MUC17: variants seen among roughly 807,000 people sequenced by gnomAD.
The protein encoded by MUC17 is mucin-17.
Under a neutral mutation model 170.3 loss-of-function variants are expected in MUC17, and 190 were observed. That is an observed-to-expected ratio of 1.12 (90% CI 0.99 to 1.26). MUC17 has a LOEUF of 1.26. MUC17 is among the 50% of genes most tolerant of loss of function. MUC17 has a pLI of 0.00. For synonymous variants in MUC17, 2,325 were observed against 2,002.5 expected, an observed-to-expected ratio of 1.16 and a Z score of -4.30; for missense variants, 6,415 against 5,530.0, an observed-to-expected ratio of 1.16 and a Z score of -5.08.
Position 101,035,007 on chromosome 7 carries a change from C to A in MUC17, c.3591C>A (p.Ala1197=), listed in dbSNP as rs1794418726. 3.1e-6 allele frequency: 5 copies of A among 1,614,106 alleles called. No homozygotes were observed. In the East Asian group the frequency reaches 1.1e-4, roughly 36 times the overall value. ...SKTQVATSTE[A]SSPPPTAEVT... ...CTCAGGTGGCCACTTCTACTGAAGC[C>A]AGTTCACCTCCTCCAACTGCTGAAG... The change falls in exon 3 of 13, where the codon GCC becomes GCA. Residue 1197 remains alanine (A), a synonymous_variant. Transcript: ENST00000306151.
In MUC17 at chr7:101,035,157, C is replaced by T. The variant is rs369264903; in HGVS notation, c.3741C>T (p.Ser1247=). 3 of 1,610,888 alleles carry T rather than the reference C, an allele frequency of 1.9e-6. No individual in the cohort carries two copies. The highest frequency in any genetic ancestry group is 1.7e-6 in the Non-Finnish European group (2 of 1,178,602). Residue 1247 remains serine (S), a synonymous_variant, in exon 3 of 13, where the codon AGC becomes AGT. Coordinates refer to ENST00000306151, the MANE Select transcript of MUC17 (RefSeq NM_001040105.2). ...STLSTSPVDT[S]TPVTTSAETS... ...TTTCAACATCTCCCGTTGACACCAGCACACCTGTGACCACTTCTGCTGAAA... is the reference window on the plus strand; with the variant it reads ...TTTCAACATCTCCCGTTGACACCAGTACACCTGTGACCACTTCTGCTGAAA...
chr7:101,025,202 C>CA (rs139614696), intron 1 of MUC17, among the ~76,000 whole-genome samples: 2,521 of 149,950 alleles, frequency 0.017, 78 homozygotes, highest in African/African-American at 0.058. Context: ...TTCATCTCTA[C>CA]AAAAAAATGT....
Position 101,041,065 on chromosome 7 carries a change from C to T in MUC17, c.9649C>T (p.Pro3217Ser), listed in dbSNP as rs753593559. The change falls in exon 3 of 13, where the codon CCT becomes TCT. Residue 3217 changes from proline (P) to serine (S), a missense_variant. Physicochemically the swap from Pro to Ser is moderately conservative, Grantham distance 74 (BLOSUM62 -1). Transcript: ENST00000306151. ...AGGTACCAGCATTCCAACCTCAACT[C>T]CTAGTGAAGGAATGACTCCATTAAC... ...AEGTSIPTST[P>S]SEGMTPLTSV... The T allele has an allele frequency of 1.1e-5, 17 of 1,613,796 alleles. No homozygotes were observed. Among genetic ancestry groups the T allele is most frequent in the Non-Finnish European group, 1.7e-6 (2 of 1,179,952 alleles).
In MUC17 at chr7:101,038,714, A is replaced by C. The variant is rs928053950; in HGVS notation, c.7298A>C (p.Glu2433Ala). The change falls in exon 3 of 13, where the codon GAA (glutamate) becomes GCA (alanine). Residue 2433 changes from glutamate to alanine, a missense_variant. By Grantham distance (107) the Glu-to-Ala change is moderately radical. Coordinates refer to ENST00000306151, the MANE Select transcript of MUC17 (RefSeq NM_001040105.2). The stretch of plus-strand genomic sequence containing the variant: ...AGCACACCTGTCACCACTTCTACTG[A>C]AGCCAGTTCATCTCCTACAACTGCT... ...DTSTPVTTSTEASSSPTTAEG... is the reference protein window; with the variant it reads ...DTSTPVTTSTAASSSPTTAEG... 3.2e-5 allele frequency: 52 copies of C among 1,613,598 alleles called. No individual in the cohort carries two copies. Among genetic ancestry groups the C allele is most frequent in the Non-Finnish European group, 4.4e-5 (52 of 1,179,912 alleles).
Position 101,049,389 on chromosome 7 carries a change from G to A in MUC17, c.12722+7G>A. 6.2e-7 allele frequency: 1 copy of A among 1,610,850 alleles called. No homozygotes were observed. Among genetic ancestry groups the A allele is most frequent in the Non-Finnish European group, 8.5e-7 (1 of 1,178,408 alleles). On this transcript the variant is annotated splice_region_variant and intron_variant, in intron 6 of 12. Coordinates refer to ENST00000306151, the MANE Select transcript of MUC17 (RefSeq NM_001040105.2). ...TGAACATCACAAAGCTACGGTAAGT[G>A]TCTGGGCCCTTGGGAAGAGGGTCTG...
Position 101,036,567 on chromosome 7 carries a change from C to T in MUC17, c.5151C>T (p.Asn1717=), listed in dbSNP as rs1481639056. ...ISTLSTTPVD[N]STPVTTSTEA... The stretch of plus-strand genomic sequence containing the variant: ...CCCTTTCAACAACTCCCGTTGACAA[C>T]AGCACACCTGTGACCACTTCTACTG... Residue 1717 remains asparagine, a synonymous_variant, in exon 3 of 13, where the codon AAC becomes AAT. Coordinates refer to ENST00000306151, the MANE Select transcript of MUC17 (RefSeq NM_001040105.2). 3.1e-6 allele frequency: 5 copies of T among 1,613,448 alleles called. No individual in the cohort carries two copies. The South Asian group carries it at 3.3e-5, about 11-fold the overall frequency.
At chr7:101,030,945 C>T (rs1033870946) in intron 1 of MUC17, among the ~76,000 whole-genome samples, 175 bp from the exon 2 acceptor site, 1 of 152,168 alleles carries the variant, frequency 6.6e-6, no homozygotes, top group African/African-American at 2.4e-5. Flanking sequence ...TCCCCTGTAC[C>T]ATCTTCTTGC....
In MUC17 at chr7:101,033,682, A is replaced by G. The variant is rs763253648; in HGVS notation, c.2266A>G (p.Lys756Glu). 7 of 1,613,640 alleles carry G rather than the reference A, an allele frequency of 4.3e-6. 1 individual carries two copies. The highest frequency in any genetic ancestry group is 3.3e-5 in the Admixed American group (2 of 60,012). ...STPLTSMPVS[K>E]TLLTSSEAST... ...TCCATTAACAAGTATGCCTGTCAGCAAAACGCTGTTGACCAGTTCTGAGGC... is the reference window on the plus strand; with the variant it reads ...TCCATTAACAAGTATGCCTGTCAGCGAAACGCTGTTGACCAGTTCTGAGGC... The change falls in exon 3 of 13, where the codon AAA becomes GAA. Residue 756 changes from lysine to glutamate, a missense_variant. Coordinates refer to ENST00000306151, the MANE Select transcript of MUC17 (RefSeq NM_001040105.2).
chr7:101,037,087 C>T lies in MUC17; in HGVS notation c.5671C>T (p.Pro1891Ser), dbSNP rs746742825. The change falls in exon 3 of 13, where the codon CCC (proline) becomes TCC (serine). Residue 1891 changes from proline to serine, a missense_variant. By Grantham distance (74) the Pro-to-Ser change is moderately conservative (BLOSUM62 -1). Coordinates refer to ENST00000306151, the MANE Select transcript of MUC17 (RefSeq NM_001040105.2). ...TGAAACCAACACCCTTTCAACAACT[C>T]CCGCTGTCACCAGCACACCTGTGAC... is the stretch of plus-strand genomic sequence containing the variant. Reference protein sequence around the residue: ...SSETNTLSTTPAVTSTPVTTY... With the variant: ...SSETNTLSTTSAVTSTPVTTY... 114 of 1,582,588 alleles carry T rather than the reference C, an allele frequency of 7.2e-5. No individual in the cohort carries two copies. The highest frequency in any genetic ancestry group is 9.5e-5 in the Non-Finnish European group (112 of 1,177,804).
In MUC17 at chr7:101,037,310, C is replaced by T. The variant is rs1218736775; in HGVS notation, c.5894C>T (p.Ser1965Leu). The T allele has an allele frequency of 1.2e-6, 2 of 1,614,008 alleles. No homozygotes were observed. The highest frequency in any genetic ancestry group is 2.2e-5 in the South Asian group (2 of 91,064). Reference protein sequence around the residue: ...TPVTTYSQASSSPTTADGTSM... With the variant: ...TPVTTYSQASLSPTTADGTSM... ...GTGACCACTTATTCTCAAGCCAGTT[C>T]ATCTCCTACAACTGCTGATGGTACC... The change falls in exon 3 of 13, where the codon TCA becomes TTA. Residue 1965 changes from serine (S) to leucine (L), a missense_variant. Ser to Leu is a moderately radical substitution (Grantham distance 145). Coordinates refer to ENST00000306151, the MANE Select transcript of MUC17 (RefSeq NM_001040105.2).
rs746011596 is a variant in MUC17, at chr7:101,038,711, C to T, written c.7295C>T (p.Thr2432Ile). The change falls in exon 3 of 13, where the codon ACT becomes ATT. Residue 2432 changes from threonine (T) to isoleucine (I), a missense_variant. Transcript: ENST00000306151. ...ACCAGCACACCTGTCACCACTTCTA[C>T]TGAAGCCAGTTCATCTCCTACAACT... is the stretch of plus-strand genomic sequence containing the variant. ...VDTSTPVTTSTEASSSPTTAE... is the reference protein window; with the variant it reads ...VDTSTPVTTSIEASSSPTTAE... 29 of 1,613,872 alleles carry T rather than the reference C, an allele frequency of 1.8e-5. No individual in the cohort carries two copies. The highest frequency in any genetic ancestry group is 2.2e-5 in the Non-Finnish European group (26 of 1,179,978).
Position 101,040,139 on chromosome 7 carries a change from C to G in MUC17, c.8723C>G (p.Ser2908Cys). 3.1e-6 allele frequency: 5 copies of G among 1,612,740 alleles called. No homozygotes were observed. Among genetic ancestry groups the G allele is most frequent in the Non-Finnish European group, 3.4e-6 (4 of 1,179,416 alleles). ...IPVTTSTEGSSSPTTAEGTSM... is the reference protein window; with the variant it reads ...IPVTTSTEGSCSPTTAEGTSM... ...GTCACCACTTCTACTGAAGGCAGTT[C>G]TTCTCCTACAACTGCTGAAGGTACC... Residue 2908 changes from serine to cysteine, a missense_variant, in exon 3 of 13, where the codon TCT becomes TGT. Ser to Cys is a moderately radical substitution (Grantham distance 112). Coordinates refer to ENST00000306151, the MANE Select transcript of MUC17 (RefSeq NM_001040105.2).
chr7:101,030,874 A>G (rs1313024651), intron 1 of MUC17, among the ~76,000 whole-genome samples: 1 of 152,172 alleles, frequency 6.6e-6, no homozygotes, highest in Non-Finnish European at 1.5e-5. Flanking sequence ...TGCTGGAACT[A>G]CGGGCACATG....
chr7:101,047,792 T>C (rs34411816), intron 3 of MUC17, among the ~76,000 whole-genome samples, 192 bp from the exon 4 acceptor site: 19,403 of 151,908 alleles, frequency 0.13, 1,430 homozygotes, highest in African/African-American at 0.18. Flanking sequence ...GATCGCGCCA[T>C]TGCACTCCAG....
chr7:101,050,735 T>TGGGTGCAAGAATCACTGTG (rs1794925450), intron 7 of MUC17, 100 bp downstream of exon 7: 4 of 1,479,072 alleles, frequency 2.7e-6, no homozygotes, highest in Non-Finnish European at 3.6e-6. Flanking sequence ...GGTTAATGGG[T>TGGGTGCAAGAATCACTGTG]GGGTGCAAGA....
In MUC17 at chr7:101,040,651, A is replaced by G. The variant is rs200081080; in HGVS notation, c.9235A>G (p.Thr3079Ala). 596 of 1,612,776 alleles carry G rather than the reference A, an allele frequency of 3.7e-4. 9 individuals are homozygous for G. In the South Asian group the frequency reaches 6.2e-3, roughly 17 times the overall value. Residue 3079 changes from threonine to alanine, a missense_variant, in exon 3 of 13, where the codon ACT becomes GCT. Transcript: ENST00000306151. ...TGTTGACTCCAACAGTCCTGTGGTC[A>G]CTTCTACTGAAGTCAGTTCATCTCC... ...TPVDSNSPVVTSTEVSSSPTP... is the reference protein window; with the variant it reads ...TPVDSNSPVVASTEVSSSPTP...
chr7:101,048,322 G>A lies in MUC17; in HGVS notation c.12535+207G>A, dbSNP rs62483736. 13 of 390,108 alleles carry A rather than the reference G, an allele frequency of 3.3e-5. No individual in the cohort carries two copies. In the South Asian group the frequency reaches 1.1e-3, roughly 34 times the overall value. 24.2% of individuals were successfully genotyped at this position (390,108 alleles called of 1,614,324 possible). A position where few individuals can be genotyped will look rare whatever the true frequency, so the allele number is the denominator to read the frequency against. On this transcript the variant is annotated intron_variant, in intron 4 of 12. Transcript: ENST00000306151. ...AAAATGAATAAAATAGGCCAGGCAC[G>A]GTGGCTCTCGCCTGTAATTCCAGTA... is the stretch of plus-strand genomic sequence containing the variant.
At chr7:101,030,906 G>A (rs1794267111) in intron 1 of MUC17, among the ~76,000 whole-genome samples, 1 of 152,154 alleles carries the variant, frequency 6.6e-6, no homozygotes, top group African/African-American at 2.4e-5. Flanking sequence ...ATTTGACATT[G>A]CTGGACCTCC....
chr7:101,039,047 G>A lies in MUC17; in HGVS notation c.7631G>A (p.Ser2544Asn). 1 of 1,606,584 alleles carries A rather than the reference G, an allele frequency of 6.2e-7. No homozygotes were observed. The highest frequency in any genetic ancestry group is 1.4e-5 in the African/African-American group (1 of 72,960). Residue 2544 changes from serine (S) to asparagine (N), a missense_variant, in exon 3 of 13, where the codon AGT (serine) becomes AAT (asparagine). Coordinates refer to ENST00000306151, the MANE Select transcript of MUC17 (RefSeq NM_001040105.2). Reference protein sequence around the residue: ...TLSTTPVDSNSPVVTSTEISS... With the variant: ...TLSTTPVDSNNPVVTSTEISS... ...TCAACAACTCCTGTTGACTCCAACA[G>A]TCCTGTGGTCACTTCTACTGAAATC...
Sources: allele counts gnomAD v4.1 joint callset (sites outside exome capture counted in the v4.1 genomes callset), GRCh38; gene constraint gnomAD v4.1.1; transcripts MANE v1.5; gene names NCBI Gene and HGNC (gene_info 2026-07-23, HGNC 2026-07-21).